Variants in ATXN7 observed in about 807,000 individuals in gnomAD.
ATXN7 encodes the protein ataxin 7, also known as ataxin-7.
Under a neutral mutation model 70.5 loss-of-function variants are expected in ATXN7, and 12 were observed. That is an observed-to-expected ratio of 0.17 (90% CI 0.11 to 0.28). ATXN7 has a LOEUF of 0.28. Ranked by LOEUF, ATXN7 falls within the 10% of genes least tolerant of loss-of-function variation. The pLI is 1.00. For synonymous variants in ATXN7, 498 were observed against 448.7 expected, an observed-to-expected ratio of 1.11 and a Z score of -1.39; for missense variants, 1,256 against 1,131.7, an observed-to-expected ratio of 1.11 and a Z score of -1.58.
In ATXN7 at chr3:63,899,419, A is replaced by T. The variant is rs547999126; in HGVS notation, c.-12+922A>T. 1.1e-4 allele frequency among the ~76,000 whole-genome samples: 17 copies of T among 152,242 alleles called. No homozygotes were observed. The South Asian group carries it at 2.1e-3, about 19-fold the overall frequency. On this transcript the variant is annotated intron_variant, in intron 2 of 12. Coordinates refer to ENST00000674280, the MANE Select transcript of ATXN7 (RefSeq NM_001377405.1). Reference sequence around the variant, plus strand: ...ATTGTACATTTACTGTTTTGGGAGGATAGTGGTGAAGTTTCACATAATATG... The same window carrying T: ...ATTGTACATTTACTGTTTTGGGAGGTTAGTGGTGAAGTTTCACATAATATG...
intron 4 of ATXN7, among the ~76,000 whole-genome samples, chr3:63,935,633 C>T (rs916838018): frequency 2.0e-5 from 3 of 152,134 alleles, no homozygotes; most frequent in Non-Finnish European, 4.4e-5. Flanking sequence ...AACTTTTGAA[C>T]AGTCTGCACT....
chr3:63,881,333 A>G (rs1339023721), intron 1 of ATXN7, among the ~76,000 whole-genome samples: 2 of 152,140 alleles, frequency 1.3e-5, no homozygotes, highest in African/African-American at 2.4e-5. Flanking sequence ...GGGAATCGGT[A>G]TGGGATTAAC....
intron 1 of ATXN7, among the ~76,000 whole-genome samples, chr3:63,892,377 CA>C (rs1465144570): frequency 4.4e-4 from 4 of 9,188 alleles, no homozygotes; most frequent in African/African-American, 1.3e-3. Context: ...ACCTCTACCA[CA>C]CACACACACA....
intron 1 of ATXN7, chr3:63,865,326 C>G (rs544361303): frequency 1.3e-5 from 2 of 152,302 alleles, no homozygotes; most frequent in East Asian, 3.9e-4. Context: ...ACTTTTGTCA[C>G]AAAGACAAAA....
At position 63,913,141 on chromosome 3, in the gene ATXN7, T is replaced by G; in HGVS notation, c.326-16T>G. On this transcript the variant is annotated splice_polypyrimidine_tract_variant and intron_variant, in intron 3 of 12. Coordinates refer to ENST00000674280, the MANE Select transcript of ATXN7 (RefSeq NM_001377405.1). ...GACCTGCCTCTCCCCTCCTCCTGTG[T>G]GTGTATATCTCCTAGGGACAGAATT... The G allele has an allele frequency of 6.2e-7, 1 of 1,611,446 alleles. No individual in the cohort carries two copies. Among genetic ancestry groups the G allele is most frequent in the Non-Finnish European group, 8.5e-7 (1 of 1,177,946 alleles).
At chr3:63,902,490 TAGAA>T (rs1351370681) in intron 2 of ATXN7, among the ~76,000 whole-genome samples, 2 of 152,202 alleles carry the variant, frequency 1.3e-5, no homozygotes, top group Admixed American at 6.5e-5. Flanking sequence ...TAATGGCATT[TAGAA>T]AGACTTTCAG....
intron 4 of ATXN7, among the ~76,000 whole-genome samples, chr3:63,948,993 A>T (rs1486968889): frequency 6.6e-6 from 1 of 152,214 alleles, no homozygotes; most frequent in African/African-American, 2.4e-5. Flanking sequence ...AAACTTTTTA[A>T]TTGAATAATG....
chr3:63,943,016 A>G (rs1428134046), intron 4 of ATXN7, among the ~76,000 whole-genome samples: 1 of 152,182 alleles, frequency 6.6e-6, no homozygotes, highest in Non-Finnish European at 1.5e-5. Context: ...CCCTGACCTC[A>G]TGGAGTTTAA....
chr3:63,864,620 G>T (rs1473767784), intron 1 of ATXN7: 2 of 151,898 alleles, frequency 1.3e-5, no homozygotes, highest in Non-Finnish European at 2.9e-5. Context: ...CCAGGAGCGT[G>T]TTGCCATCGT....
intron 1 of ATXN7, among the ~76,000 whole-genome samples, chr3:63,869,072 AT>A (rs1702520716): frequency 6.6e-6 from 1 of 152,248 alleles, no homozygotes; most frequent in Admixed American, 6.5e-5. Context: ...TATAATGCTT[AT>A]GGCCATAAAA....
chr3:63,915,482 G>A (rs931315697), intron 4 of ATXN7, among the ~76,000 whole-genome samples: 2 of 152,132 alleles, frequency 1.3e-5, no homozygotes, highest in African/African-American at 4.8e-5. Context: ...ACCATTGTAG[G>A]CTGCTTCAGA....
At chr3:63,991,388 T>G (rs2075669630) in intron 11 of ATXN7, among the ~76,000 whole-genome samples, 2 of 148,344 alleles carry the variant, frequency 1.3e-5, no homozygotes, top group African/African-American at 2.5e-5. Flanking sequence ...GAATTGAACC[T>G]AGAGGTAACA....
Position 63,995,992 on chromosome 3 carries a change from T to A in ATXN7, c.2170T>A (p.Ser724Thr), listed in dbSNP as rs2106804800. The change falls in exon 12 of 13, where the codon TCC (serine) becomes ACC (threonine). Residue 724 changes from serine to threonine, a missense_variant. Ser to Thr is a moderately conservative substitution (Grantham distance 58). Coordinates refer to ENST00000674280, the MANE Select transcript of ATXN7 (RefSeq NM_001377405.1). ...TCACTCTTCCTCCTCCTCTTCCTCC[T>A]CCTCCTCTTCTTCTCATTCCATGGA... ...LVHSSSSSSSSSSSSHSMESF... is the reference protein window; with the variant it reads ...LVHSSSSSSSTSSSSHSMESF... 2.5e-6 allele frequency: 4 copies of A among 1,614,090 alleles called. No homozygotes were observed. The highest frequency in any genetic ancestry group is 3.3e-4 in the Middle Eastern group (2 of 6,062).
At chr3:63,971,545 T>C (rs2075312532) in intron 5 of ATXN7, among the ~76,000 whole-genome samples, 1 of 152,152 alleles carries the variant, frequency 6.6e-6, no homozygotes, top group African/African-American at 2.4e-5. Context: ...TAAGAAAATT[T>C]AGAGGGAAAA....
chr3:63,974,126 C>A (rs1398531043), intron 5 of ATXN7, among the ~76,000 whole-genome samples: 2 of 150,954 alleles, frequency 1.3e-5, no homozygotes, highest in African/African-American at 4.8e-5. Flanking sequence ...CTGCCTCTAT[C>A]AAAACCATCT....
intron 4 of ATXN7, among the ~76,000 whole-genome samples, chr3:63,926,198 C>A (rs974692164): frequency 6.6e-6 from 1 of 152,120 alleles, no homozygotes; most frequent in East Asian, 1.9e-4. Flanking sequence ...CTACTTTGTG[C>A]TAGGTATTTT....
chr3:63,867,461 C>A (rs985801363), intron 1 of ATXN7, among the ~76,000 whole-genome samples: 1 of 152,176 alleles, frequency 6.6e-6, no homozygotes, highest in Non-Finnish European at 1.5e-5. Context: ...GCCACAGCCT[C>A]CCAGAGTGCT....
chr3:63,971,945 T>A (rs1043376110), intron 5 of ATXN7, among the ~76,000 whole-genome samples: 8 of 152,222 alleles, frequency 5.3e-5, no homozygotes, highest in African/African-American at 1.9e-4. Context: ...TTTTTGTTTT[T>A]GTTTTATGCA....
chr3:63,913,303 C>T (rs1215272909), intron 4 of ATXN7, 78 bp downstream of exon 4: 1 of 1,431,300 alleles, frequency 7.0e-7, no homozygotes, highest in South Asian at 1.2e-5. Flanking sequence ...CCGGGAACAT[C>T]AGCCCACCAT....
Sources: gnomAD v4.1 joint callset for allele counts (sites outside exome capture counted in the v4.1 genomes callset) on GRCh38, gnomAD v4.1.1 for gene constraint, MANE v1.5 for transcripts, NCBI Gene and HGNC (gene_info 2026-07-23, HGNC 2026-07-21) for gene names.